Variants in RBMS3 observed in about 807,000 individuals in gnomAD.
RBMS3 encodes the protein RNA binding motif single stranded interacting protein 3.
RBMS3 carries 27 observed loss-of-function variants against 66.8 expected under a neutral mutation model. That is an observed-to-expected ratio of 0.40 (90% CI 0.30 to 0.56). The LOEUF (loss-of-function observed/expected upper bound fraction) is 0.56. RBMS3 is among the 20% of genes least tolerant of loss of function. The probability of loss-of-function intolerance (pLI) is 0.40; values close to 1 mark genes in which losing one functional copy is unlikely to be tolerated. For synonymous variants in RBMS3, 188 were observed against 183.0 expected, an observed-to-expected ratio of 1.03 and a Z score of -0.22; for missense variants, 513 against 549.5, an observed-to-expected ratio of 0.93 and a Z score of 0.66.
chr3:29,695,593 T>G (rs1401350707), intron 4 of RBMS3, among the ~76,000 whole-genome samples: 2 of 152,208 alleles, frequency 1.3e-5, no homozygotes, highest in African/African-American at 2.4e-5. Context: ...GTGCAAAATT[T>G]TAAGTGAAAT....
intron 4 of RBMS3, among the ~76,000 whole-genome samples, chr3:29,622,072 C>T: frequency 6.6e-6 from 1 of 152,184 alleles, no homozygotes; most frequent in South Asian, 2.1e-4. Flanking sequence ...CCGGTGAACT[C>T]TAAACTCTTC....
chr3:30,001,684 TACATTGTATGTGC>T (rs1389301732), intron 14 of RBMS3, among the ~76,000 whole-genome samples: 1 of 152,034 alleles, frequency 6.6e-6, no homozygotes, highest in Non-Finnish European at 1.5e-5. Context: ...ATTGTAATAA[TACATTGTATGTGC>T]ACTGTTTTAC....
At chr3:29,816,389 T>C (rs1337815935) in intron 6 of RBMS3, among the ~76,000 whole-genome samples, 1 of 151,476 alleles carries the variant, frequency 6.6e-6, no homozygotes, top group African/African-American at 2.4e-5. Flanking sequence ...CCCACTCCCC[T>C]ACATGCAGGT....
intron 1 of RBMS3, among the ~76,000 whole-genome samples, chr3:29,301,841 G>A (rs1348079825): frequency 6.6e-6 from 1 of 151,886 alleles, no homozygotes; most frequent in South Asian, 2.1e-4. Flanking sequence ...TGGGGCCTGA[G>A]AACTAGTTTG....
chr3:29,596,942 A>G (rs1242072387), intron 4 of RBMS3, among the ~76,000 whole-genome samples: 1 of 152,176 alleles, frequency 6.6e-6, no homozygotes, highest in Non-Finnish European at 1.5e-5. Flanking sequence ...TAGTCCTTTA[A>G]TTCACTATCC....
intron 13 of RBMS3, among the ~76,000 whole-genome samples, chr3:29,989,856 A>G (rs940216990): frequency 6.6e-6 from 1 of 152,204 alleles, no homozygotes; most frequent in Non-Finnish European, 1.5e-5. Flanking sequence ...AAATCTGGAC[A>G]TTCTAGGCAG....
intron 12 of RBMS3, among the ~76,000 whole-genome samples, chr3:29,967,164 G>T (rs915101502): frequency 5.9e-5 from 9 of 152,054 alleles, no homozygotes; most frequent in Non-Finnish European, 8.8e-5. Flanking sequence ...TTTGGCTTGT[G>T]TCCTTTCCTG....
chr3:29,358,599 T>A (rs2037370443), intron 1 of RBMS3, among the ~76,000 whole-genome samples: 1 of 152,216 alleles, frequency 6.6e-6, no homozygotes, highest in Non-Finnish European at 1.5e-5. Flanking sequence ...ATTGGTAGCT[T>A]GATGGGGATG....
In RBMS3 at chr3:29,449,626, A is replaced by G. The variant is rs563674962; in HGVS notation, c.248+14711A>G. ...TTTTTAATTCTATTAAGCAATGTTA[A>G]TTAAACAAAACACTTACTATTATTT... On this transcript the variant is annotated intron_variant, in intron 2 of 14. Coordinates refer to ENST00000383767, the MANE Select transcript of RBMS3 (RefSeq NM_001003793.3). 2.6e-5 allele frequency among the ~76,000 whole-genome samples: 4 copies of G among 152,346 alleles called. No individual in the cohort carries two copies. In the East Asian group the frequency reaches 7.7e-4, roughly 29 times the overall value.
intron 12 of RBMS3, among the ~76,000 whole-genome samples, chr3:29,969,093 G>C (rs1697056228): frequency 6.6e-6 from 1 of 152,180 alleles, no homozygotes; most frequent in African/African-American, 2.4e-5. Flanking sequence ...ATTGGATTTG[G>C]ATAAACATTT....
chr3:29,433,432 T>C (rs1421935687), intron 1 of RBMS3, among the ~76,000 whole-genome samples: 1 of 152,166 alleles, frequency 6.6e-6, no homozygotes, highest in African/African-American at 2.4e-5. Context: ...GTTATATAGG[T>C]TGATATTACT....
intron 3 of RBMS3, among the ~76,000 whole-genome samples, chr3:29,503,384 A>G (rs2148940968): frequency 6.6e-6 from 1 of 151,990 alleles, no homozygotes; most frequent in South Asian, 2.1e-4. Flanking sequence ...AATGTTAAGC[A>G]TCTGTGCTCA....
chr3:29,910,750 C>T (rs1048015588), intron 10 of RBMS3, among the ~76,000 whole-genome samples: 1 of 145,674 alleles, frequency 6.9e-6, no homozygotes, highest in Non-Finnish European at 1.5e-5. Flanking sequence ...AAAAACTATA[C>T]ATATACATAT....
At chr3:29,739,967 G>T (rs1204013969) in intron 5 of RBMS3, 90 bp downstream of exon 5, 146 of 691,506 alleles carry the variant, frequency 2.1e-4, no homozygotes, top group Middle Eastern at 4.6e-4. Context: ...CAAAGCAATA[G>T]AATATGCAAA....
At position 29,936,367 on chromosome 3, in the gene RBMS3, G is replaced by A. The variant is rs150828717; in HGVS notation, c.1050+171G>A. The stretch of plus-strand genomic sequence containing the variant: ...ATTCTGCATGTATGTTCAGTTCCAG[G>A]GCACATGTACTCACAGTGGCAAGGC... On this transcript the variant is annotated intron_variant, in intron 11 of 14. Transcript: ENST00000383767. Among the ~76,000 whole-genome samples the A allele has an allele frequency of 6.8e-3, 1,041 of 152,164 alleles. 10 individuals carry two copies. The highest frequency in any genetic ancestry group is 0.011 in the Non-Finnish European group (738 of 68,002).
chr3:29,837,669 TA>T (rs2058552763), intron 6 of RBMS3, among the ~76,000 whole-genome samples: 1 of 45,548 alleles, frequency 2.2e-5, no homozygotes, highest in Non-Finnish European at 4.6e-5. Context: ...TGAACATATA[TA>T]TATATATATA....
chr3:29,309,156 T>C (rs963931899), intron 1 of RBMS3, among the ~76,000 whole-genome samples: 1 of 151,678 alleles, frequency 6.6e-6, no homozygotes, highest in Non-Finnish European at 1.5e-5. Flanking sequence ...TACAGAGCTT[T>C]CAAAAGTGAG....
chr3:29,716,909 G>GTGCATA (rs113268930), intron 4 of RBMS3, among the ~76,000 whole-genome samples: 1 of 151,200 alleles, frequency 6.6e-6, no homozygotes, highest in Admixed American at 6.6e-5. Context: ...AATCATTGTA[G>GTGCATA]TACATGCATA....
At chr3:29,368,663 CT>C (rs67735906) in intron 1 of RBMS3, among the ~76,000 whole-genome samples, 30,523 of 151,634 alleles carry the variant, frequency 0.2, 3,162 homozygotes, top group African/African-American at 0.25. Context: ...TTGTATTAGT[CT>C]TTTTTTAAAA....
Sources: gnomAD v4.1 joint callset for allele counts (sites outside exome capture counted in the v4.1 genomes callset) on GRCh38, gnomAD v4.1.1 for gene constraint, MANE v1.5 for transcripts, NCBI Gene and HGNC (gene_info 2026-07-23, HGNC 2026-07-21) for gene names.